SEC14L5: variants seen among roughly 807,000 people sequenced by gnomAD.
SEC14L5 encodes SEC14-like protein 5.
Under a neutral mutation model 84.6 loss-of-function variants are expected in SEC14L5, and 96 were observed. The ratio of observed to expected loss-of-function variants is 1.13; its 90% CI spans 0.96 to 1.34. SEC14L5 has a LOEUF of 1.34. Ranked by LOEUF, SEC14L5 falls within the 40% of genes most tolerant of loss-of-function variation. SEC14L5 has a pLI of 0.00. For missense variants in SEC14L5, 1,224 were observed against 942.5 expected (o/e 1.30, Z -3.91); for synonymous variants, 546 against 383.4 (o/e 1.42, Z -4.95).
intron 2 of SEC14L5, among the ~76,000 whole-genome samples, chr16:4,968,963 A>G (rs955863804): frequency 5.3e-5 from 8 of 152,162 alleles, no homozygotes; most frequent in African/African-American, 1.9e-4. Flanking sequence ...AAGGTAAATT[A>G]TTGTGGCTTA....
At chr16:5,012,831 A>G (rs956995844) in intron 15 of SEC14L5, among the ~76,000 whole-genome samples, 1 of 151,580 alleles carries the variant, frequency 6.6e-6, no homozygotes, top group East Asian at 1.9e-4. Flanking sequence ...GGAGGTGGAG[A>G]TTGCAGTGAG....
chr16:4,983,253 A>T (rs888610311), intron 2 of SEC14L5, among the ~76,000 whole-genome samples: 3 of 151,908 alleles, frequency 2.0e-5, no homozygotes, highest in Non-Finnish European at 1.5e-5. Context: ...ACCTTAAATG[A>T]TCTGCCTGCC....
chr16:4,978,855 C>A (rs774225926), intron 2 of SEC14L5, among the ~76,000 whole-genome samples: 39 of 152,300 alleles, frequency 2.6e-4, no homozygotes, highest in Non-Finnish European at 5.1e-4. Flanking sequence ...CCCGCCTTGG[C>A]CTCCCAAAGT....
chr16:5,011,118 C>A lies in SEC14L5; in HGVS notation c.1824C>A (p.Pro608=), dbSNP rs201495044. Residue 608 remains proline, a synonymous_variant, in exon 15 of 16, where the codon CCC becomes CCA. Transcript: ENST00000251170. ...AGGGCTCCCATGTGACCCGGTGGCC[C>A]GGCGTCTACCTGCTCCAGTGGCAAA... is the stretch of plus-strand genomic sequence containing the variant. ...SIQGSHVTRW[P]GVYLLQWQMH... 1.2e-6 allele frequency: 2 copies of A among 1,606,740 alleles called. No homozygotes were observed.
At chr16:4,972,215 C>T (rs1955288236) in intron 2 of SEC14L5, among the ~76,000 whole-genome samples, 1 of 152,076 alleles carries the variant, frequency 6.6e-6, no homozygotes, top group African/African-American at 2.4e-5. Context: ...GTTGCCCAGG[C>T]TGGTCTCAAA....
chr16:4,971,414 T>C (rs902160556), intron 2 of SEC14L5, among the ~76,000 whole-genome samples: 1 of 150,600 alleles, frequency 6.6e-6, no homozygotes, highest in African/African-American at 2.4e-5. Flanking sequence ...AGCCGTGATC[T>C]TGCCACTGCA....
At chr16:4,999,383 T>C (rs567963114) in intron 8 of SEC14L5, among the ~76,000 whole-genome samples, 10 of 152,148 alleles carry the variant, frequency 6.6e-5, no homozygotes, top group Non-Finnish European at 1.3e-4. Flanking sequence ...AGCTGGAGGA[T>C]CGCTTAAGCC....
intron 6 of SEC14L5, among the ~76,000 whole-genome samples, chr16:4,992,703 G>A (rs1385827211): frequency 6.6e-6 from 1 of 152,166 alleles, no homozygotes; most frequent in East Asian, 1.9e-4. Context: ...AGTAATGCAT[G>A]ATCATGGTAG....
chr16:4,966,428 C>G (rs1299425832), intron 2 of SEC14L5, among the ~76,000 whole-genome samples: 1 of 151,850 alleles, frequency 6.6e-6, no homozygotes, highest in Admixed American at 6.6e-5. Context: ...TGCCCGCCAC[C>G]ATGCCCAGCT....
intron 10 of SEC14L5, among the ~76,000 whole-genome samples, chr16:5,002,790 A>C (rs1955691368): frequency 6.6e-6 from 1 of 152,214 alleles, no homozygotes; most frequent in African/African-American, 2.4e-5. Flanking sequence ...ATCACACAGC[A>C]AGTGGCAGAA....
rs2270257 is a variant in SEC14L5 at position 5,018,585 on chromosome 16, T to C, written c.*3615T>C. The C allele has an allele frequency of 0.45, 68,253 of 151,920 alleles. 16,405 individuals are homozygous for C. The highest frequency in any genetic ancestry group is 0.52 in the Admixed American group (7,933 of 15,260). The allele number at this position is 151,920 out of a possible 1,614,324, so 9.4% of individuals were successfully genotyped here. A position where few individuals can be genotyped will look rare whatever the true frequency, so the allele number is the denominator to read the frequency against. The stretch of plus-strand genomic sequence containing the variant: ...GGGAGGCTGAGGCAGAAGGATTGCT[T>C]GGAGGTCAAGGCTGGAGTGAGCCAT... On this transcript the variant is annotated 3_prime_UTR_variant, in exon 16 of 16. Transcript: ENST00000251170.
At chr16:5,003,624 G>GGGTGCCCCCC in intron 11 of SEC14L5, 51 bp downstream of exon 11, 1 of 305,312 alleles carries the variant, frequency 3.3e-6, no homozygotes, top group East Asian at 1.0e-4. Context: ...GGTGGGATGG[G>GGGTGCCCCCC]AGGGGTTCCG....
intron 2 of SEC14L5, among the ~76,000 whole-genome samples, chr16:4,985,514 C>T (rs1955475445): frequency 1.3e-5 from 2 of 152,202 alleles, no homozygotes. Flanking sequence ...AAGCGTGAGC[C>T]ACCGCGCCCG....
At chr16:5,000,806 G>C in intron 9 of SEC14L5, 49 bp from the exon 10 acceptor site, 1 of 1,568,648 alleles carries the variant, frequency 6.4e-7, no homozygotes, top group South Asian at 1.2e-5. Flanking sequence ...GGACTGTGTG[G>C]GGTAAAGCAG....
chr16:4,986,972 T>C lies in SEC14L5; in HGVS notation c.64-585T>C, dbSNP rs967830872. Among the ~76,000 whole-genome samples, 15 of 152,342 alleles carry C rather than the reference T, an allele frequency of 9.8e-5. No homozygotes were observed. The East Asian group carries it at 2.7e-3, about 27-fold the overall frequency. ...ATTTTCTATATAAATGTTCATGTCATCTGCAAATACAGATAGTTTTACTTC... is the reference window on the plus strand; with the variant it reads ...ATTTTCTATATAAATGTTCATGTCACCTGCAAATACAGATAGTTTTACTTC... On this transcript the variant is annotated intron_variant, in intron 2 of 15. Transcript: ENST00000251170.
chr16:4,979,900 C>T (rs1482390709), intron 2 of SEC14L5, among the ~76,000 whole-genome samples: 1 of 152,242 alleles, frequency 6.6e-6, no homozygotes, highest in Non-Finnish European at 1.5e-5. Flanking sequence ...CCACCCCGAT[C>T]CTCACTTCTC....
At chr16:5,010,267 G>C (rs1216084038) in intron 14 of SEC14L5, among the ~76,000 whole-genome samples, 1 of 150,832 alleles carries the variant, frequency 6.6e-6, no homozygotes, top group Non-Finnish European at 1.5e-5. Flanking sequence ...GGGAGGCTAA[G>C]GCAGGAGAAT....
chr16:4,987,652 C>A lies in SEC14L5; in HGVS notation c.159C>A (p.His53Gln). The A allele has an allele frequency of 6.4e-7, 1 of 1,551,220 alleles. No individual in the cohort carries two copies. ...CCCGCAGCCCGGACGGGGCTGTGCA[C>A]GTGGTGGAGCGGAGCTGCCGGCTGC... is the stretch of plus-strand genomic sequence containing the variant. ...RESRSPDGAVHVVERSCRLRV... is the reference protein window; with the variant it reads ...RESRSPDGAVQVVERSCRLRV... Residue 53 changes from histidine to glutamine, a missense_variant, in exon 3 of 16, where the codon CAC becomes CAA. His to Gln is a conservative substitution (Grantham distance 24). Coordinates refer to ENST00000251170, the MANE Select transcript of SEC14L5 (RefSeq NM_014692.2).
At chr16:4,990,598 C>T (rs1955542002) in intron 4 of SEC14L5, among the ~76,000 whole-genome samples, 169 bp from the exon 5 acceptor site, 1 of 152,226 alleles carries the variant, frequency 6.6e-6, no homozygotes, top group South Asian at 2.1e-4. Flanking sequence ...AACTTTGCAT[C>T]GTTCTCTGGG....
Sources: allele counts gnomAD v4.1 joint callset (sites outside exome capture counted in the v4.1 genomes callset), GRCh38; gene constraint gnomAD v4.1.1; transcripts MANE v1.5; gene names NCBI Gene and HGNC (gene_info 2026-07-23, HGNC 2026-07-21).